The following MMP16 variants were observed in gnomAD, a reference collection of about 807,000 sequenced individuals.
The protein encoded by MMP16 is matrix metalloproteinase-16.
In MMP16, 12 loss-of-function variants were observed where a neutral mutation model predicts 67.8. The ratio of observed to expected loss-of-function variants is 0.18; its 90% CI spans 0.11 to 0.29. The LOEUF is 0.29. MMP16 is among the 10% of genes least tolerant of loss of function. The pLI, the probability that MMP16 is intolerant of heterozygous loss-of-function variation, is 1.00. For synonymous variants in MMP16, 249 were observed against 255.9 expected (o/e 0.97, Z 0.26); for missense variants, 475 against 765.7 (o/e 0.62, Z 4.48).
At chr8:88,285,561 T>C (rs1197315388) in intron 1 of MMP16, among the ~76,000 whole-genome samples, 1 of 152,204 alleles carries the variant, frequency 6.6e-6, no homozygotes, top group Non-Finnish European at 1.5e-5. Flanking sequence ...AGATGAGCTA[T>C]TTCTTCTTCC....
chr8:88,093,695 A>G (rs1194810544), intron 6 of MMP16, among the ~76,000 whole-genome samples: 1 of 151,876 alleles, frequency 6.6e-6, no homozygotes, highest in Admixed American at 6.6e-5. Context: ...TTTTAAAATA[A>G]CCCTCAAGCA....
At chr8:88,110,215 A>G (rs1378412175) in intron 6 of MMP16, among the ~76,000 whole-genome samples, 2 of 151,452 alleles carry the variant, frequency 1.3e-5, no homozygotes, top group Non-Finnish European at 3.0e-5. Flanking sequence ...TTGGAAACTC[A>G]GGTAACTGAG....
At chr8:88,173,371 C>A (rs935504581) in intron 3 of MMP16, among the ~76,000 whole-genome samples, 1 of 151,936 alleles carries the variant, frequency 6.6e-6, no homozygotes, top group African/African-American at 2.4e-5. Flanking sequence ...GTATTTGATA[C>A]CTTTTTAAAG....
intron 1 of MMP16, among the ~76,000 whole-genome samples, chr8:88,201,382 T>C (rs1809342973): frequency 6.6e-6 from 1 of 152,034 alleles, no homozygotes; most frequent in African/African-American, 2.4e-5. Context: ...CCACCTAATG[T>C]GGTATGGCAA....
chr8:88,076,585 T>C (rs1808655463), intron 6 of MMP16, among the ~76,000 whole-genome samples: 1 of 152,132 alleles, frequency 6.6e-6, no homozygotes, highest in Non-Finnish European at 1.5e-5. Flanking sequence ...TACAATTTCA[T>C]ATAAAGATTG....
chr8:88,157,434 T>TC (rs1276142707), intron 4 of MMP16, among the ~76,000 whole-genome samples: 1 of 151,816 alleles, frequency 6.6e-6, no homozygotes, highest in Non-Finnish European at 1.5e-5. Context: ...GTCCTCCCGT[T>TC]CCCCAAAGAT....
At chr8:88,060,474 A>C (rs996570354) in intron 7 of MMP16, among the ~76,000 whole-genome samples, 1 of 152,110 alleles carries the variant, frequency 6.6e-6, no homozygotes, top group African/African-American at 2.4e-5. Flanking sequence ...ATTCAGGATA[A>C]AACCCAAATT....
At chr8:88,186,774 G>T (rs1191075243) in intron 2 of MMP16, among the ~76,000 whole-genome samples, 176 bp from the exon 3 acceptor site, 1 of 152,110 alleles carries the variant, frequency 6.6e-6, no homozygotes, top group Non-Finnish European at 1.5e-5. Flanking sequence ...TTGAATCTAA[G>T]TAGATAGCAT....
At chr8:88,113,643 A>C (rs187654090) in intron 6 of MMP16, among the ~76,000 whole-genome samples, 3 of 152,044 alleles carry the variant, frequency 2.0e-5, no homozygotes, top group Admixed American at 6.6e-5. Context: ...ATAGAGGAGA[A>C]ATTAGGAGAC....
intron 8 of MMP16, among the ~76,000 whole-genome samples, chr8:88,053,442 G>A (rs1019277604): frequency 6.6e-6 from 1 of 152,108 alleles, no homozygotes; most frequent in Non-Finnish European, 1.5e-5. Context: ...TATTACAGCC[G>A]TTATTCACCT....
chr8:88,135,566 T>C (rs1371020737), intron 4 of MMP16, among the ~76,000 whole-genome samples: 2 of 151,748 alleles, frequency 1.3e-5, no homozygotes, highest in South Asian at 4.1e-4. Context: ...TCAAAATGCC[T>C]GTGTAAGAAA....
Position 88,197,142 on chromosome 8 carries a change from G to A in MMP16, c.281+16C>T, listed in dbSNP as rs974039952. On this transcript the variant is annotated intron_variant, in intron 2 of 9. Transcript: ENST00000286614. ...TCAAGGACCAAAAAGAAAGGAGGAT[G>A]GGAGCCATTACTTACTCAATTGTGT... 1 of 1,605,514 alleles carries A rather than the reference G, an allele frequency of 6.2e-7. No individual in the cohort carries two copies. The highest frequency in any genetic ancestry group is 8.5e-7 in the Non-Finnish European group (1 of 1,177,556).
intron 4 of MMP16, among the ~76,000 whole-genome samples, chr8:88,126,001 ATAT>A (rs529201866): frequency 6.6e-6 from 1 of 151,894 alleles, no homozygotes; most frequent in Non-Finnish European, 1.5e-5. Context: ...CTGAATTGCC[ATAT>A]TATTTTTATT....
chr8:88,182,269 T>C (rs1226020411), intron 3 of MMP16, among the ~76,000 whole-genome samples: 2 of 151,936 alleles, frequency 1.3e-5, no homozygotes, highest in African/African-American at 2.4e-5. Context: ...AAGACTAATA[T>C]ACACAATATA....
intron 4 of MMP16, among the ~76,000 whole-genome samples, chr8:88,162,277 A>G (rs1351660157): frequency 6.6e-6 from 1 of 152,038 alleles, no homozygotes; most frequent in South Asian, 2.1e-4. Context: ...TTTGATTACC[A>G]GTGTTGTAAA....
intron 1 of MMP16, among the ~76,000 whole-genome samples, chr8:88,242,344 G>C (rs920437903): frequency 3.9e-5 from 6 of 152,044 alleles, no homozygotes; most frequent in Admixed American, 2.6e-4. Flanking sequence ...AGAAATTCTA[G>C]GAAAAATTTC....
intron 4 of MMP16, among the ~76,000 whole-genome samples, chr8:88,153,527 A>C (rs1291763524): frequency 6.6e-6 from 1 of 152,162 alleles, no homozygotes; most frequent in African/African-American, 2.4e-5. Context: ...GATATAGATC[A>C]ATGGAACAGA....
chr8:88,167,955 T>A lies in MMP16; in HGVS notation c.423A>T (p.Pro141=). The A allele has an allele frequency of 6.2e-7, 1 of 1,610,950 alleles. No individual in the cohort carries two copies. The highest frequency in any genetic ancestry group is 8.5e-7 in the Non-Finnish European group (1 of 1,178,438). ...HITYSIKNVT[P]KVGDPETRKA... is the part of the protein sequence containing the mutation. The stretch of plus-strand genomic sequence containing the variant: ...TACGAGTCTCAGGGTCTCCTACTTT[T>A]GGAGTTACGTTCTTTATACTGAAAG... The change falls in exon 4 of 10, where the codon CCA becomes CCT. Residue 141 remains proline, a synonymous_variant. Transcript: ENST00000286614.
chr8:88,187,200 A>G (rs760351413), intron 2 of MMP16, among the ~76,000 whole-genome samples: 5 of 152,174 alleles, frequency 3.3e-5, no homozygotes, highest in Non-Finnish European at 5.9e-5. Context: ...ACCAAATTCA[A>G]TGCTTAAAAA....
Sources: allele counts gnomAD v4.1 joint callset (sites outside exome capture counted in the v4.1 genomes callset), GRCh38; gene constraint gnomAD v4.1.1; transcripts MANE v1.5; gene names NCBI Gene and HGNC (gene_info 2026-07-23, HGNC 2026-07-21).